The following ODAD2 variants were observed in gnomAD, a reference collection of about 807,000 sequenced individuals.
ODAD2 encodes the protein outer dynein arm docking complex subunit 2, also known as outer dynein arm-docking complex subunit 2.
A neutral mutation model predicts 106.8 loss-of-function variants in ODAD2; 89 were observed. The observed-to-expected ratio is 0.83, with a 90% CI of 0.70 to 0.99. The LOEUF (loss-of-function observed/expected upper bound fraction) is 0.99. Among genes scored for constraint, ODAD2 ranks in the 50% least tolerant of loss-of-function variants. ODAD2 has a pLI of 0.00. For missense variants in ODAD2, 1,168 were observed against 1,238.5 expected (o/e 0.94, Z 0.85); for synonymous variants, 404 against 436.2 (o/e 0.93, Z 0.92).
rs145742175 is a variant in ODAD2 at position 27,944,296 on chromosome 10, C to T, written c.1669G>A (p.Glu557Lys). 51 of 1,614,036 alleles carry T rather than the reference C, an allele frequency of 3.2e-5. No homozygotes were observed. Among genetic ancestry groups the T allele is most frequent in the Non-Finnish European group, 4.1e-5 (48 of 1,180,008 alleles). The change falls in exon 12 of 20, where the codon GAG becomes AAG. Residue 557 changes from glutamate to lysine, a missense_variant. Glu to Lys is a moderately conservative substitution (Grantham distance 56). Around this residue, in one of 3 missense-constraint regions of ODAD2, gnomAD observed 701 missense variants for 712.3 expected, o/e 0.98. Transcript: ENST00000305242. ...AACTTGGCAACATTCGCGATAGTCTCGGCTGCCAAACATTTTAGACTCTTG... is the reference window on the plus strand; with the variant it reads ...AACTTGGCAACATTCGCGATAGTCTTGGCTGCCAAACATTTTAGACTCTTG... ...PHKSLKCLAA[E>K]TIANVAKFKR...
chr10:27,885,904 A>T (rs1372897437), intron 17 of ODAD2, among the ~76,000 whole-genome samples: 7 of 122,768 alleles, frequency 5.7e-5, no homozygotes, highest in South Asian at 4.5e-4. Context: ...TTTATATATA[A>T]AAATATATAT....
intron 6 of ODAD2, among the ~76,000 whole-genome samples, chr10:27,983,425 C>A (rs950043473): frequency 2.6e-5 from 4 of 152,208 alleles, no homozygotes; most frequent in African/African-American, 9.6e-5. Context: ...AGGGCACTGT[C>A]TCCTACCTTC....
intron 16 of ODAD2, among the ~76,000 whole-genome samples, chr10:27,909,399 T>C (rs1033981745): frequency 5.9e-5 from 9 of 152,180 alleles, no homozygotes; most frequent in Admixed American, 2.0e-4. Flanking sequence ...CAATTAACTA[T>C]AAAAATTCAC....
chr10:27,857,380 T>C (rs1022520780), intron 19 of ODAD2, among the ~76,000 whole-genome samples: 16 of 152,222 alleles, frequency 1.1e-4, no homozygotes, highest in Non-Finnish European at 2.2e-4. Flanking sequence ...CAGTAGGCTA[T>C]TAGTAGTTAA....
chr10:27,944,563 C>T (rs368953904), intron 11 of ODAD2, 132 bp from the exon 12 acceptor site: 1 of 864,222 alleles, frequency 1.2e-6, no homozygotes. Flanking sequence ...AGGTTACACA[C>T]ATCTGGCATA....
intron 16 of ODAD2, among the ~76,000 whole-genome samples, chr10:27,927,695 T>C (rs1170044056): frequency 1.3e-5 from 2 of 152,104 alleles, no homozygotes; most frequent in Non-Finnish European, 2.9e-5. Flanking sequence ...TTTGTCTCCT[T>C]TAAACACTCT....
rs1836425874 is a variant in ODAD2, at chr10:27,819,526, GC to G, written c.3022-6902del. Among the ~76,000 whole-genome samples, 3 of 137,952 alleles carry G rather than the reference GC, an allele frequency of 2.2e-5. No homozygotes were observed. The Admixed American group carries it at 2.4e-4, about 11-fold the overall frequency. 90.5% of individuals were successfully genotyped at this position (137,952 alleles called of 152,430 possible). ...GGCCAAGGCAGGAGGATGGCTTGAAGCCAGAAGTTCAAGACCATCTTGGGCA... is the reference window on the plus strand; with the variant it reads ...GGCCAAGGCAGGAGGATGGCTTGAAGCAGAAGTTCAAGACCATCTTGGGCA... On this transcript the variant is annotated intron_variant, in intron 19 of 19. Coordinates refer to ENST00000305242, the MANE Select transcript of ODAD2 (RefSeq NM_018076.5).
chr10:27,851,183 A>G (rs1839235296), intron 19 of ODAD2, among the ~76,000 whole-genome samples: 1 of 152,152 alleles, frequency 6.6e-6, no homozygotes, highest in Non-Finnish European at 1.5e-5. Flanking sequence ...AGAGTGGAAG[A>G]CTTCATAATG....
intron 9 of ODAD2, among the ~76,000 whole-genome samples, chr10:27,965,551 C>T (rs902943660): frequency 6.6e-5 from 10 of 152,188 alleles, no homozygotes; most frequent in African/African-American, 2.2e-4. Context: ...GGAGACAGGA[C>T]TCATTCAAGT....
intron 10 of ODAD2, among the ~76,000 whole-genome samples, chr10:27,953,407 G>A (rs1182161678): frequency 1.3e-5 from 2 of 152,090 alleles, no homozygotes; most frequent in African/African-American, 4.8e-5. Context: ...AAATGTAAAT[G>A]TGCATTCTCT....
chr10:27,965,718 C>A (rs975398234), intron 9 of ODAD2, among the ~76,000 whole-genome samples: 5 of 152,158 alleles, frequency 3.3e-5, no homozygotes. Context: ...CTACACAGTG[C>A]AAACCTGGAG....
chr10:27,950,214 C>T (rs1847234254), intron 10 of ODAD2, among the ~76,000 whole-genome samples: 1 of 152,140 alleles, frequency 6.6e-6, no homozygotes, highest in African/African-American at 2.4e-5. Context: ...AGTAACTGTT[C>T]ATTAATGATC....
intron 17 of ODAD2, among the ~76,000 whole-genome samples, chr10:27,886,461 G>A (rs902257421): frequency 6.6e-6 from 1 of 151,986 alleles, no homozygotes; most frequent in African/African-American, 2.4e-5. Flanking sequence ...CTAACCTAGA[G>A]AAACAAGTTG....
intron 10 of ODAD2, among the ~76,000 whole-genome samples, chr10:27,960,254 T>C (rs1588614483): frequency 6.6e-6 from 1 of 151,252 alleles, no homozygotes; most frequent in East Asian, 1.9e-4. Flanking sequence ...CATTAGGGCT[T>C]GTTTCGTATA....
chr10:27,904,053 A>G (rs574981728), intron 17 of ODAD2, among the ~76,000 whole-genome samples: 1 of 152,324 alleles, frequency 6.6e-6, no homozygotes, highest in East Asian at 1.9e-4. Context: ...TGAGGTTTGG[A>G]GTTTTAAAAA....
chr10:27,908,910 A>G (rs546828699), intron 16 of ODAD2, among the ~76,000 whole-genome samples: 1 of 152,340 alleles, frequency 6.6e-6, no homozygotes, highest in African/African-American at 2.4e-5. Flanking sequence ...AGGACTTCTA[A>G]TAAGAAAAAA....
rs1472218781 is a variant in ODAD2, at chr10:27,862,443, C to T, written c.2790G>A (p.Leu930=). The change falls in exon 18 of 20, where the codon CTG becomes CTA. Residue 930 remains leucine (L), a synonymous_variant. Coordinates refer to ENST00000305242, the MANE Select transcript of ODAD2 (RefSeq NM_018076.5). ...DHGVVPLLSK[L]ANTNNNKLRH... is the part of the protein sequence containing the mutation. ...AAGATGTGTTACTTACTGTATTTGCCAGTTTGGACAATAAAGGAACAACTC... is the reference window on the plus strand; with the variant it reads ...AAGATGTGTTACTTACTGTATTTGCTAGTTTGGACAATAAAGGAACAACTC... 6.2e-7 allele frequency: 1 copy of T among 1,604,992 alleles called. No individual in the cohort carries two copies. The highest frequency in any genetic ancestry group is 8.5e-7 in the Non-Finnish European group (1 of 1,176,494).
At chr10:27,856,147 C>T (rs1027047383) in intron 19 of ODAD2, among the ~76,000 whole-genome samples, 5 of 152,156 alleles carry the variant, frequency 3.3e-5, no homozygotes, top group Non-Finnish European at 7.3e-5. Context: ...TCCAACAAAT[C>T]TGCATCCATA....
intron 17 of ODAD2, among the ~76,000 whole-genome samples, chr10:27,885,533 A>AATATAT (rs1842041089): frequency 6.8e-5 from 1 of 14,620 alleles, no homozygotes; most frequent in African/African-American, 2.8e-4. Flanking sequence ...AAAAAAAAAA[A>AATATAT]ATATATATAT....
Sources: allele counts gnomAD v4.1 joint callset (sites outside exome capture counted in the v4.1 genomes callset), GRCh38; gene constraint gnomAD v4.1.1; regional missense constraint gnomAD v4.1.1; transcripts MANE v1.5; gene names NCBI Gene and HGNC (gene_info 2026-07-23, HGNC 2026-07-21).